BAZ2B: variants seen among roughly 807,000 people sequenced by gnomAD.
The protein encoded by BAZ2B is bromodomain adjacent to zinc finger domain 2B.
A neutral mutation model predicts 246.0 loss-of-function variants in BAZ2B; 91 were observed. The ratio of observed to expected loss-of-function variants is 0.37; its 90% CI spans 0.31 to 0.44. The LOEUF (loss-of-function observed/expected upper bound fraction) is 0.44. BAZ2B is among the 20% of genes least tolerant of loss of function. BAZ2B has a pLI of 1.00. For missense variants in BAZ2B, 2,332 were observed against 2,533.7 expected, an observed-to-expected ratio of 0.92 and a Z score of 1.71; for synonymous variants, 855 against 860.0, an observed-to-expected ratio of 0.99 and a Z score of 0.10.
rs142607302 is a variant in BAZ2B, at chr2:159,359,624, C to G, written c.4214-9267G>C. On this transcript the variant is annotated intron_variant, in intron 27 of 36. Coordinates refer to ENST00000392783, the MANE Select transcript of BAZ2B (RefSeq NM_013450.4). ...CATTTTATAAGGCCAGCGTCAATAC[C>G]TGATACCAAAACCTGGCAGAAACAC... Among the ~76,000 whole-genome samples the G allele has an allele frequency of 1.8e-4, 28 of 152,238 alleles. 1 individual carries two copies. In the East Asian group the frequency reaches 5.4e-3, roughly 29 times the overall value.
chr2:159,487,889 A>G (rs2080015947), intron 2 of BAZ2B, among the ~76,000 whole-genome samples: 1 of 152,050 alleles, frequency 6.6e-6, no homozygotes, highest in African/African-American at 2.4e-5. Flanking sequence ...AAGAGGAAAA[A>G]TCTAAGTTTG....
chr2:159,483,501 G>C (rs2079473329), intron 2 of BAZ2B, among the ~76,000 whole-genome samples: 1 of 152,152 alleles, frequency 6.6e-6, no homozygotes, highest in Non-Finnish European at 1.5e-5. Flanking sequence ...ACTAGGCTTG[G>C]CGCGGTGGCT....
chr2:159,582,254 A>C (rs1342896378), intron 1 of BAZ2B, among the ~76,000 whole-genome samples: 1 of 152,280 alleles, frequency 6.6e-6, no homozygotes, highest in Admixed American at 6.5e-5. Context: ...AATGTACAGC[A>C]AACCATTTTA....
At chr2:159,697,642 T>C in the BAZ2B span, among the ~76,000 whole-genome samples, 1 of 152,184 alleles carries the variant, frequency 6.6e-6, no homozygotes, top group East Asian at 1.9e-4. Flanking sequence ...TTTTGCACTT[T>C]GCTTACCAGA....
At chr2:159,693,981 T>C in the BAZ2B span, 1 of 152,198 alleles carries the variant, frequency 6.6e-6, no homozygotes, top group East Asian at 1.9e-4. Context: ...ACCCCTAGGT[T>C]TTCAAGTGTT....
chr2:159,538,206 C>A (rs996069599), intron 2 of BAZ2B, among the ~76,000 whole-genome samples: 3 of 152,122 alleles, frequency 2.0e-5, no homozygotes, highest in African/African-American at 7.2e-5. Flanking sequence ...CCATGTTGCC[C>A]AGGCTGGACT....
intron 1 of BAZ2B, among the ~76,000 whole-genome samples, chr2:159,574,013 T>C (rs13008772): frequency 0.063 from 9,494 of 151,712 alleles, 392 homozygotes; most frequent in Middle Eastern, 0.14. Flanking sequence ...AGGGGGAGGA[T>C]CCCTAGAGCC....
At chr2:159,603,006 A>G (rs1692525799) in intron 1 of BAZ2B, among the ~76,000 whole-genome samples, 1 of 152,292 alleles carries the variant, frequency 6.6e-6, no homozygotes, top group East Asian at 1.9e-4. Context: ...GCATGGTGGC[A>G]TGTGCCACTA....
chr2:159,408,298 G>C (rs2066273809), intron 14 of BAZ2B, among the ~76,000 whole-genome samples: 1 of 152,056 alleles, frequency 6.6e-6, no homozygotes, highest in Non-Finnish European at 1.5e-5. Flanking sequence ...TCAGCCTCCT[G>C]AATAACCAGG....
intron 24 of BAZ2B, among the ~76,000 whole-genome samples, chr2:159,383,091 T>G (rs1404167567): frequency 1.3e-5 from 2 of 152,120 alleles, no homozygotes; most frequent in Non-Finnish European, 2.9e-5. Flanking sequence ...AGTAATAATT[T>G]CTGATCCCAT....
upstream of BAZ2B, among the ~76,000 whole-genome samples, chr2:159,617,516 A>G (rs2151849484): frequency 6.6e-6 from 1 of 152,118 alleles, no homozygotes; most frequent in South Asian, 2.1e-4. Flanking sequence ...TTTTCCCTCC[A>G]GAACACAAGA....
At chr2:159,468,700 A>G (rs2077387485) in intron 3 of BAZ2B, among the ~76,000 whole-genome samples, 1 of 152,124 alleles carries the variant, frequency 6.6e-6, no homozygotes, top group South Asian at 2.1e-4. Flanking sequence ...TTAAATACAT[A>G]TATAAGAAAA....
chr2:159,571,425 C>A (rs2151566745), intron 1 of BAZ2B, among the ~76,000 whole-genome samples: 1 of 152,116 alleles, frequency 6.6e-6, no homozygotes, highest in East Asian at 1.9e-4. Flanking sequence ...GTTACTGGTA[C>A]AGAAACCTAA....
At chr2:159,565,773 A>C (rs35302519) in intron 1 of BAZ2B, among the ~76,000 whole-genome samples, 1 of 108,808 alleles carries the variant, frequency 9.2e-6, no homozygotes, top group East Asian at 2.8e-4. Flanking sequence ...TGAGACTCCC[A>C]TCTCAAAAAA....
At chr2:159,572,769 GT>G (rs1684339119) in intron 1 of BAZ2B, among the ~76,000 whole-genome samples, 1 of 151,994 alleles carries the variant, frequency 6.6e-6, no homozygotes, top group Non-Finnish European at 1.5e-5. Context: ...TTATTTTCAA[GT>G]TTAAAAACAC....
At chr2:159,674,587 G>A in the BAZ2B span, among the ~76,000 whole-genome samples, 2 of 151,716 alleles carry the variant, frequency 1.3e-5, no homozygotes, top group Admixed American at 6.6e-5. Context: ...GTGGTGGCAC[G>A]CATCTGTAAT....
the BAZ2B span, among the ~76,000 whole-genome samples, chr2:159,666,257 C>CTTTT: frequency 3.2e-5 from 3 of 94,198 alleles, no homozygotes; most frequent in South Asian, 3.6e-4. Flanking sequence ...TTTTATGATT[C>CTTTT]TTTTTTTTTT....
chr2:159,687,768 C>G, the BAZ2B span, among the ~76,000 whole-genome samples: 1 of 152,170 alleles, frequency 6.6e-6, no homozygotes, highest in South Asian at 2.1e-4. Context: ...GTCAGAAGTA[C>G]TGGAGAACTG....
chr2:159,634,860 T>C, the BAZ2B span, among the ~76,000 whole-genome samples: 2 of 152,216 alleles, frequency 1.3e-5, no homozygotes, highest in African/African-American at 4.8e-5. Flanking sequence ...TGACTTAAAA[T>C]TACTTTTTAA....
Sources: allele counts gnomAD v4.1 joint callset (sites outside exome capture counted in the v4.1 genomes callset), GRCh38; gene constraint gnomAD v4.1.1; transcripts MANE v1.5; gene names NCBI Gene and HGNC (gene_info 2026-07-23, HGNC 2026-07-21).